LRRFIP1: variants seen among roughly 807,000 people sequenced by gnomAD.
The protein encoded by LRRFIP1 is LRR binding FLII interacting protein 1, also known as leucine-rich repeat flightless-interacting protein 1.
A neutral mutation model predicts 104.4 loss-of-function variants in LRRFIP1; 62 were observed. That is an observed-to-expected ratio of 0.59 (90% CI 0.48 to 0.73). The LOEUF (loss-of-function observed/expected upper bound fraction) is 0.73, where lower values mean the gene tolerates loss of function less well. Among genes scored for constraint, LRRFIP1 ranks in the 30% least tolerant of loss-of-function variants. The pLI is 0.00. For missense variants in LRRFIP1, 796 were observed against 824.5 expected, an observed-to-expected ratio of 0.97 and a Z score of 0.42; for synonymous variants, 300 against 299.0, an observed-to-expected ratio of 1.00 and a Z score of -0.03.
chr2:237,639,263 C>A (rs886607344), intron 1 of LRRFIP1, among the ~76,000 whole-genome samples: 2 of 152,088 alleles, frequency 1.3e-5, no homozygotes, highest in Admixed American at 1.3e-4. Flanking sequence ...TCTCCCATGC[C>A]CAAGAGGGAC....
chr2:237,708,194 G>C (rs904226612), intron 1 of LRRFIP1, among the ~76,000 whole-genome samples: 5 of 152,252 alleles, frequency 3.3e-5, no homozygotes, highest in African/African-American at 1.2e-4. Context: ...CAGGCTGTGT[G>C]ACCTTAGGCA....
In LRRFIP1 at chr2:237,774,395, C is replaced by T. The variant is rs2060912089; in HGVS notation, c.1745C>T (p.Ser582Leu). ...GAGAGTCAAGTATCACGTTACAAATCAGCGGCTGAAAATGCAGAAAAAATA... is the reference window on the plus strand; with the variant it reads ...GAGAGTCAAGTATCACGTTACAAATTAGCGGCTGAAAATGCAGAAAAAATA... ...RLESQVSRYK[S>L]AAENAEKIED... Residue 582 changes from serine to leucine, a missense_variant, in exon 23 of 24, where the codon TCA becomes TTA. Ser to Leu is a moderately radical substitution (Grantham distance 145). Transcript: ENST00000308482. 2 of 1,613,762 alleles carry T rather than the reference C, an allele frequency of 1.2e-6. No homozygotes were observed. The highest frequency in any genetic ancestry group is 1.7e-6 in the Non-Finnish European group (2 of 1,179,722).
chr2:237,724,292 C>G (rs1470254785), intron 7 of LRRFIP1, among the ~76,000 whole-genome samples: 1 of 152,236 alleles, frequency 6.6e-6, no homozygotes, highest in Non-Finnish European at 1.5e-5. Context: ...TGTACTATTT[C>G]ACCTGAAGGA....
intron 11 of LRRFIP1, among the ~76,000 whole-genome samples, chr2:237,744,991 G>T (rs538127157): frequency 6.6e-6 from 1 of 152,368 alleles, no homozygotes; most frequent in South Asian, 2.1e-4. Context: ...TGCAGTGGCC[G>T]TGACAGTGTT....
chr2:237,769,937 C>A lies in LRRFIP1; in HGVS notation c.1460-6C>A. On this transcript the variant is annotated splice_polypyrimidine_tract_variant and splice_region_variant and intron_variant, in intron 19 of 23. Coordinates refer to ENST00000308482, the MANE Select transcript of LRRFIP1 (RefSeq NM_001137550.2). ...ACCTAAACCTGTGTCTTTGTGATTT[C>A]TTTAGATATTAGGTTGAAAAAGCTG... is the stretch of plus-strand genomic sequence containing the variant. The A allele has an allele frequency of 6.3e-7, 1 of 1,596,568 alleles. No homozygotes were observed. The highest frequency in any genetic ancestry group is 8.5e-7 in the Non-Finnish European group (1 of 1,170,060).
Position 237,735,405 on chromosome 2 carries a change from G to T in LRRFIP1, c.555+72G>T, listed in dbSNP as rs2095208473. On this transcript the variant is annotated intron_variant, in intron 10 of 23. Coordinates refer to ENST00000308482, the MANE Select transcript of LRRFIP1 (RefSeq NM_001137550.2). The surrounding 1 kb of genome is among the most constrained non-coding windows in gnomAD (Gnocchi z 4.6). ...GGCCTGGGGATGCTCGCTGGGCAGGGTCCAGCCGTGGGGGGTGACTGGCCA... is the reference window on the plus strand; with the variant it reads ...GGCCTGGGGATGCTCGCTGGGCAGGTTCCAGCCGTGGGGGGTGACTGGCCA... The T allele has an allele frequency of 4.1e-6, 6 of 1,449,938 alleles. No homozygotes were observed. The South Asian group carries it at 7.5e-5, about 18-fold the overall frequency. The allele number at this position is 1,449,938 out of a possible 1,614,324, so 89.8% of individuals were successfully genotyped here. A position where few individuals can be genotyped will look rare whatever the true frequency, so the allele number is the denominator to read the frequency against.
chr2:237,733,745 A>G (rs1286713525), intron 8 of LRRFIP1, 29 bp from the exon 9 acceptor site: 1 of 1,613,232 alleles, frequency 6.2e-7, no homozygotes, highest in South Asian at 1.1e-5. Flanking sequence ...CAAGGCTTTT[A>G]AAACCTGCCA....
At chr2:237,699,613 A>G (rs1280013416) in intron 1 of LRRFIP1, among the ~76,000 whole-genome samples, 1 of 152,156 alleles carries the variant, frequency 6.6e-6, no homozygotes, top group African/African-American at 2.4e-5. Flanking sequence ...CGGCCTCCCA[A>G]AGTGCTGGGA....
At chr2:237,764,316 T>C (rs2060130667) in intron 19 of LRRFIP1, 1 of 1,516,852 alleles carries the variant, frequency 6.6e-7, no homozygotes, top group Non-Finnish European at 8.8e-7. Context: ...CATGTAATCA[T>C]TGAGGTTATC....
chr2:237,662,197 C>T (rs1407759627), intron 1 of LRRFIP1, among the ~76,000 whole-genome samples: 1 of 152,160 alleles, frequency 6.6e-6, no homozygotes, highest in Non-Finnish European at 1.5e-5. Flanking sequence ...CCTCCGTCTC[C>T]ACGTGGCCCC....
At chr2:237,733,199 CT>C (rs1026210560) in intron 8 of LRRFIP1, among the ~76,000 whole-genome samples, 9 of 152,232 alleles carry the variant, frequency 5.9e-5, no homozygotes, top group Non-Finnish European at 8.8e-5. Context: ...CTGCCTCCCC[CT>C]GACGTGTGTG....
chr2:237,705,035 C>T (rs747922131), intron 1 of LRRFIP1, among the ~76,000 whole-genome samples: 20 of 152,184 alleles, frequency 1.3e-4, no homozygotes, highest in Non-Finnish European at 2.8e-4. Context: ...CCGAGAGCAG[C>T]GGGGTCTGAC....
chr2:237,694,558 T>G (rs2093036759), intron 1 of LRRFIP1, among the ~76,000 whole-genome samples: 1 of 152,130 alleles, frequency 6.6e-6, no homozygotes, highest in African/African-American at 2.4e-5. Context: ...TGTTTCACAC[T>G]GGTTTGTGCC....
At chr2:237,714,373 T>G (rs2094240694) in intron 3 of LRRFIP1, 97 bp downstream of exon 3, 1 of 930,758 alleles carries the variant, frequency 1.1e-6, no homozygotes, top group African/African-American at 1.7e-5. Flanking sequence ...GCACTGAAGA[T>G]ACATAGAAGT....
At chr2:237,684,865 T>A (rs889678661) in intron 1 of LRRFIP1, among the ~76,000 whole-genome samples, 4 of 151,936 alleles carry the variant, frequency 2.6e-5, no homozygotes, top group Non-Finnish European at 4.4e-5. Flanking sequence ...GGTTAGTGGA[T>A]TGCTTGAGCC....
At chr2:237,724,123 A>G (rs2094643391) in intron 7 of LRRFIP1, among the ~76,000 whole-genome samples, 1 of 151,064 alleles carries the variant, frequency 6.6e-6, no homozygotes, top group African/African-American at 2.4e-5. Context: ...CTAAGGCTTT[A>G]GACATAAACT....
intron 13 of LRRFIP1, among the ~76,000 whole-genome samples, chr2:237,750,326 C>CTTTTTTTTTTTTT (rs928510240): frequency 1.4e-3 from 84 of 60,650 alleles, no homozygotes; most frequent in Non-Finnish European, 1.9e-3. Flanking sequence ...TTCTTTCTTT[C>CTTTTTTTTTTTTT]TTTTTTTTTT....
rs970364649 is a variant in LRRFIP1 at position 237,758,773 on chromosome 2, A to C, written c.1269A>C (p.Glu423Asp). 4 of 1,613,610 alleles carry C rather than the reference A, an allele frequency of 2.5e-6. No individual in the cohort carries two copies. In the South Asian group the frequency reaches 4.4e-5, roughly 18 times the overall value. Residue 423 changes from glutamate (E) to aspartate (D), a missense_variant, in exon 18 of 24, where the codon GAA becomes GAC. Glu to Asp is a conservative substitution (Grantham distance 45, BLOSUM62 2). Coordinates refer to ENST00000308482, the MANE Select transcript of LRRFIP1 (RefSeq NM_001137550.2). ...AGTTCTTTGATTCCGTAAGGAGTGA[A>C]CGGGATGATCTTAGAGAAGAAGTAG... is the stretch of plus-strand genomic sequence containing the variant. Reference protein sequence around the residue: ...QKEFFDSVRSERDDLREEVVM... With the variant: ...QKEFFDSVRSDRDDLREEVVM...
chr2:237,675,186 G>T (rs770892710), intron 1 of LRRFIP1, among the ~76,000 whole-genome samples: 5 of 152,170 alleles, frequency 3.3e-5, no homozygotes, highest in Non-Finnish European at 5.9e-5. Flanking sequence ...CCATCACCCC[G>T]GTCTTTGTCT....
Sources: gnomAD v4.1 joint callset for allele counts (sites outside exome capture counted in the v4.1 genomes callset) on GRCh38, gnomAD v4.1.1 for gene constraint, Gnocchi (gnomAD v3.1) non-coding constraint, MANE v1.5 for transcripts, NCBI Gene and HGNC (gene_info 2026-07-23, HGNC 2026-07-21) for gene names.